The following DPYD variants were observed in gnomAD, a reference collection of about 807,000 sequenced individuals.
DPYD encodes dihydropyrimidine dehydrogenase [NADP(+)].
In DPYD, 109 loss-of-function variants were observed where a neutral mutation model predicts 116.2. The observed-to-expected ratio is 0.94, with a 90% confidence interval of 0.80 to 1.10. DPYD has a LOEUF of 1.10. Among genes scored for constraint, DPYD ranks in the 50% least tolerant of loss-of-function variants. The pLI is 0.00. For missense variants in DPYD, 1,302 were observed against 1,254.5 expected (o/e 1.04, Z -0.57); for synonymous variants, 440 against 432.0 (o/e 1.02, Z -0.23).
chr1:97,161,819 G>T (rs1179261072), intron 20 of DPYD, among the ~76,000 whole-genome samples: 6 of 149,086 alleles, frequency 4.0e-5, no homozygotes, highest in Non-Finnish European at 8.9e-5. Flanking sequence ...AGAACATGGG[G>T]TGTTTGGTTT....
At chr1:97,503,728 T>G (rs1679725382) in intron 13 of DPYD, among the ~76,000 whole-genome samples, 1 of 151,904 alleles carries the variant, frequency 6.6e-6, no homozygotes, top group South Asian at 2.1e-4. Context: ...GGCAACGGTT[T>G]CTTGGAAGAT....
chr1:97,851,249 C>CATATATAT (rs60887494), intron 2 of DPYD, among the ~76,000 whole-genome samples: 10,167 of 146,438 alleles, frequency 0.069, 461 homozygotes, highest in African/African-American at 0.13. Flanking sequence ...GTCTAATTAC[C>CATATATAT]ATATATATAT....
At chr1:97,097,506 C>G (rs544991018) in intron 21 of DPYD, among the ~76,000 whole-genome samples, 1 of 152,218 alleles carries the variant, frequency 6.6e-6, no homozygotes, top group South Asian at 2.1e-4. Context: ...ATTTCAGTAA[C>G]TGCAAACTAC....
chr1:97,264,419 C>T (rs971092158), intron 18 of DPYD, among the ~76,000 whole-genome samples: 40 of 151,810 alleles, frequency 2.6e-4, no homozygotes, highest in African/African-American at 9.7e-4. Context: ...CTCCTGAGCT[C>T]AAGCAATCCT....
chr1:97,118,250 G>T (rs1293811128), intron 20 of DPYD, among the ~76,000 whole-genome samples: 1 of 152,048 alleles, frequency 6.6e-6, no homozygotes, highest in Non-Finnish European at 1.5e-5. Flanking sequence ...GTCCAGGCGG[G>T]TCTTCCACCC....
intron 2 of DPYD, among the ~76,000 whole-genome samples, chr1:97,880,154 C>A (rs937884383): frequency 8.6e-5 from 13 of 151,388 alleles, no homozygotes; most frequent in African/African-American, 3.2e-4. Flanking sequence ...AACGAGATAA[C>A]CAATGTAGTG....
intron 20 of DPYD, among the ~76,000 whole-genome samples, chr1:97,151,670 T>C (rs948377241): frequency 2.6e-5 from 4 of 151,300 alleles, no homozygotes; most frequent in African/African-American, 9.7e-5. Context: ...AGTGAAAGTC[T>C]GTCTCAAAAA....
At chr1:97,652,677 T>C (rs1157541439) in intron 8 of DPYD, among the ~76,000 whole-genome samples, 1 of 152,152 alleles carries the variant, frequency 6.6e-6, no homozygotes, top group Non-Finnish European at 1.5e-5. Flanking sequence ...GTGAGGGACA[T>C]TTCTATTGCA....
chr1:97,649,708 C>T (rs1658472843), intron 8 of DPYD, among the ~76,000 whole-genome samples: 1 of 151,968 alleles, frequency 6.6e-6, no homozygotes. Flanking sequence ...ATAATTAAGA[C>T]TCGCATATTT....
At chr1:97,840,021 T>C (rs879716829) in intron 2 of DPYD, among the ~76,000 whole-genome samples, 5 of 152,184 alleles carry the variant, frequency 3.3e-5, no homozygotes, top group African/African-American at 9.6e-5. Flanking sequence ...ATTTATGTCA[T>C]AAATATATTC....
At chr1:97,815,977 A>G (rs1668585098) in intron 3 of DPYD, among the ~76,000 whole-genome samples, 2 of 152,198 alleles carry the variant, frequency 1.3e-5, no homozygotes. Context: ...AGTTCACTGC[A>G]TATCTGCACA....
intron 2 of DPYD, among the ~76,000 whole-genome samples, chr1:97,845,822 C>A (rs929910147): frequency 2.6e-5 from 4 of 152,262 alleles, no homozygotes; most frequent in Admixed American, 2.6e-4. Context: ...TCCAAGCTTC[C>A]GGGCACCATC....
intron 3 of DPYD, among the ~76,000 whole-genome samples, chr1:97,767,756 T>A (rs890485662): frequency 1.7e-5 from 1 of 59,866 alleles, no homozygotes. Context: ...TGGGGCTGGC[T>A]TTTTTTTTTT....
At chr1:97,836,242 A>T (rs1198416527) in intron 2 of DPYD, among the ~76,000 whole-genome samples, 14 of 152,072 alleles carry the variant, frequency 9.2e-5, no homozygotes, top group Admixed American at 9.2e-4. Context: ...TCAATTTTGG[A>T]TGGTTAATTT....
chr1:97,122,383 G>C (rs1024470870), intron 20 of DPYD, among the ~76,000 whole-genome samples: 4 of 152,096 alleles, frequency 2.6e-5, no homozygotes, highest in Admixed American at 2.6e-4. Flanking sequence ...GCTTAGTCAA[G>C]TAAATAAGTA....
In DPYD at chr1:97,647,577, A is replaced by G. The variant is rs969816088; in HGVS notation, c.850+31518T>C. 1.3e-5 allele frequency among the ~76,000 whole-genome samples: 2 copies of G among 152,018 alleles called. 1 individual carries two copies. The highest frequency in any genetic ancestry group is 4.1e-4 in the South Asian group (2 of 4,828). On this transcript the variant is annotated intron_variant, in intron 8 of 22. Coordinates refer to ENST00000370192, the MANE Select transcript of DPYD (RefSeq NM_000110.4). Reference sequence around the variant, plus strand: ...TTGAAGGGAAATATATATACAATGTATAATAAAATAATATTGAGCATAATT... The same window carrying G: ...TTGAAGGGAAATATATATACAATGTGTAATAAAATAATATTGAGCATAATT...
intron 16 of DPYD, among the ~76,000 whole-genome samples, chr1:97,331,795 A>T (rs1328561198): frequency 6.6e-6 from 1 of 152,200 alleles, no homozygotes; most frequent in Non-Finnish European, 1.5e-5. Flanking sequence ...TCAGACATGG[A>T]TACAGGATAA....
intron 16 of DPYD, among the ~76,000 whole-genome samples, chr1:97,327,254 C>T (rs1406426852): frequency 3.9e-5 from 6 of 152,014 alleles, no homozygotes; most frequent in African/African-American, 1.2e-4. Context: ...TCCCTAGCAA[C>T]AGATACAGTA....
intron 12 of DPYD, among the ~76,000 whole-genome samples, chr1:97,535,226 T>G (rs1467635338): frequency 6.6e-6 from 1 of 152,162 alleles, no homozygotes; most frequent in Non-Finnish European, 1.5e-5. Context: ...ACTAAATCAC[T>G]GAATTCAGAA....
Sources: allele counts gnomAD v4.1 joint callset (sites outside exome capture counted in the v4.1 genomes callset), GRCh38; gene constraint gnomAD v4.1.1; transcripts MANE v1.5; gene names NCBI Gene and HGNC (gene_info 2026-07-23, HGNC 2026-07-21).